Variants in PDGFD observed in about 807,000 individuals in gnomAD.
PDGFD encodes the protein platelet derived growth factor D.
Under a neutral mutation model 44.7 loss-of-function variants are expected in PDGFD, and 30 were observed. The ratio of observed to expected loss-of-function variants is 0.67; its 90% CI spans 0.50 to 0.91. The LOEUF (loss-of-function observed/expected upper bound fraction) is 0.91. PDGFD is among the 40% of genes least tolerant of loss of function. PDGFD has a pLI of 0.00. For missense variants in PDGFD, 445 were observed against 457.8 expected (o/e 0.97, Z 0.25); for synonymous variants, 173 against 168.4 (o/e 1.03, Z -0.21).
chr11:104,050,086 GT>G (rs1860506635), intron 1 of PDGFD, among the ~76,000 whole-genome samples: 1 of 152,164 alleles, frequency 6.6e-6, no homozygotes. Context: ...TGGGTTATAC[GT>G]TATATGTCCA....
intron 1 of PDGFD, among the ~76,000 whole-genome samples, chr11:104,096,036 A>G (rs1861281915): frequency 6.6e-6 from 1 of 152,192 alleles, no homozygotes; most frequent in African/African-American, 2.4e-5. Flanking sequence ...CATATTCCCA[A>G]GGGAATTACT....
intron 1 of PDGFD, among the ~76,000 whole-genome samples, chr11:104,001,657 T>C (rs1311417066): frequency 1.3e-5 from 2 of 152,198 alleles, no homozygotes; most frequent in South Asian, 2.1e-4. Context: ...TCTCTCTCAA[T>C]ATTCAGAGTT....
chr11:104,063,256 C>CTT (rs1860739580), intron 1 of PDGFD, among the ~76,000 whole-genome samples: 3 of 151,804 alleles, frequency 2.0e-5, no homozygotes, highest in Admixed American at 2.0e-4. Flanking sequence ...CAGGAAATCT[C>CTT]TATAAGAGTC....
chr11:104,018,315 T>A (rs1859891926), intron 1 of PDGFD, among the ~76,000 whole-genome samples: 1 of 152,214 alleles, frequency 6.6e-6, no homozygotes, highest in South Asian at 2.1e-4. Flanking sequence ...TCTGTGCACT[T>A]ACATATCAGT....
At chr11:103,918,121 G>A (rs923182323) in intron 6 of PDGFD, among the ~76,000 whole-genome samples, 2 of 152,196 alleles carry the variant, frequency 1.3e-5, no homozygotes, top group African/African-American at 4.8e-5. Context: ...GCAGGGGGTG[G>A]AGGAAGGAAT....
chr11:104,139,653 G>A lies in PDGFD; in HGVS notation c.124+24151C>T, dbSNP rs145076619. The stretch of plus-strand genomic sequence containing the variant: ...ACTCACAACATCATTGGAATCAACT[G>A]CATATTTCCCTGATTCATAAAGAAA... On this transcript the variant is annotated intron_variant, in intron 1 of 6. Coordinates refer to ENST00000393158, the MANE Select transcript of PDGFD (RefSeq NM_025208.5). 7.3e-3 allele frequency among the ~76,000 whole-genome samples: 1,108 copies of A among 152,218 alleles called. 7 individuals carry two copies. Among genetic ancestry groups the A allele is most frequent in the African/African-American group, 0.024 (994 of 41,530 alleles).
intron 1 of PDGFD, among the ~76,000 whole-genome samples, chr11:104,136,054 AGGAG>A (rs2119857564): frequency 1.3e-5 from 2 of 152,258 alleles, no homozygotes; most frequent in African/African-American, 4.8e-5. Context: ...AGATGGGATG[AGGAG>A]GGAGAGAGGA....
At chr11:104,046,526 A>G (rs930054616) in intron 1 of PDGFD, among the ~76,000 whole-genome samples, 2 of 147,544 alleles carry the variant, frequency 1.4e-5, no homozygotes, top group Non-Finnish European at 3.0e-5. Context: ...TTCCATAGCC[A>G]TATGAGTTTA....
At chr11:104,049,668 A>C (rs1177567902) in intron 1 of PDGFD, among the ~76,000 whole-genome samples, 1 of 152,166 alleles carries the variant, frequency 6.6e-6, no homozygotes, top group African/African-American at 2.4e-5. Flanking sequence ...AAGCCCAAGA[A>C]AGATAAACCA....
intron 3 of PDGFD, among the ~76,000 whole-genome samples, chr11:103,957,133 C>T (rs998357788): frequency 2.0e-5 from 3 of 152,114 alleles, no homozygotes; most frequent in Admixed American, 2.0e-4. Context: ...AGTCCTTGCC[C>T]ATGCCTATGT....
At position 103,980,841 on chromosome 11, in the gene PDGFD, C is replaced by A. The variant is rs570146634; in HGVS notation, c.510+15224G>T. ...CAAGAAGAATTTGGCAATCTACAAC[C>A]CACAAGAGAGCCCTCACCAAAACCC... On this transcript the variant is annotated intron_variant, in intron 3 of 6. Coordinates refer to ENST00000393158, the MANE Select transcript of PDGFD (RefSeq NM_025208.5). Among the ~76,000 whole-genome samples, 14 of 152,056 alleles carry A rather than the reference C, an allele frequency of 9.2e-5. No homozygotes were observed. In the East Asian group the frequency reaches 2.7e-3, roughly 29 times the overall value.
rs35045740 is a variant in PDGFD at position 103,947,667 on chromosome 11, T to C, written c.568A>G (p.Ile190Val). 0.053 allele frequency: 84,667 copies of C among 1,612,448 alleles called. 2,564 individuals carry two copies. Among genetic ancestry groups the C allele is most frequent in the Middle Eastern group, 0.06 (365 of 6,056 alleles). Residue 190 changes from isoleucine (I) to valine (V), a missense_variant, in exon 4 of 7, where the codon ATT becomes GTT. Coordinates refer to ENST00000393158, the MANE Select transcript of PDGFD (RefSeq NM_025208.5). ...ETNWESVTSS[I>V]SGVSYNSPSV... ...CAGAGTAATAAATTACTTACTGAAA[T>C]AGAGCTTGTGACAGATTCCCAGTTG...
At chr11:104,029,006 C>G (rs2134388031) in intron 1 of PDGFD, among the ~76,000 whole-genome samples, 1 of 152,198 alleles carries the variant, frequency 6.6e-6, no homozygotes, top group South Asian at 2.1e-4. Context: ...TGTGAATAAG[C>G]AGCACTGAAA....
intron 1 of PDGFD, among the ~76,000 whole-genome samples, chr11:104,044,485 A>C (rs1860407906): frequency 6.6e-6 from 1 of 152,218 alleles, no homozygotes; most frequent in Non-Finnish European, 1.5e-5. Context: ...TATATAAAAA[A>C]AGGTAAAAGT....
At chr11:104,140,076 A>T (rs7951741) in intron 1 of PDGFD, among the ~76,000 whole-genome samples, 52,624 of 53,708 alleles carry the variant, frequency 0.98, 25,834 homozygotes, top group East Asian at 1. Flanking sequence ...CAAAAAAAAA[A>T]AAATAAATAA....
intron 1 of PDGFD, chr11:104,037,323 G>GGCGGAAGCCCTGCTCA: frequency 6.2e-7 from 1 of 1,613,794 alleles, no homozygotes; most frequent in African/African-American, 1.3e-5. Context: ...ACCCTCCCTT[G>GGCGGAAGCCCTGCTCA]GCGGAAGCCC....
chr11:103,913,332 T>A (rs1437751780), intron 6 of PDGFD, among the ~76,000 whole-genome samples: 1 of 152,170 alleles, frequency 6.6e-6, no homozygotes, highest in Non-Finnish European at 1.5e-5. Context: ...TATTTAGAAC[T>A]CAGAATTAAG....
chr11:104,081,824 A>G (rs907924263), intron 1 of PDGFD, among the ~76,000 whole-genome samples: 1 of 152,098 alleles, frequency 6.6e-6, no homozygotes, highest in African/African-American at 2.4e-5. Flanking sequence ...TCCAACATCT[A>G]TATTCATAGA....
rs115632569 is a variant in PDGFD at position 104,091,176 on chromosome 11, G to A, written c.124+72628C>T. 3.4e-3 allele frequency among the ~76,000 whole-genome samples: 513 copies of A among 152,102 alleles called. 1 individual carries two copies. The highest frequency in any genetic ancestry group is 0.012 in the African/African-American group (497 of 41,496). ...AACCATGCTTGCTTACATGCGTATA[G>A]GCATACTATAGAAATAGTTTCACAA... On this transcript the variant is annotated intron_variant, in intron 1 of 6. Transcript: ENST00000393158.
Sources: allele counts gnomAD v4.1 joint callset (sites outside exome capture counted in the v4.1 genomes callset), GRCh38; gene constraint gnomAD v4.1.1; transcripts MANE v1.5; gene names NCBI Gene and HGNC (gene_info 2026-07-23, HGNC 2026-07-21).